The following GXYLT1 variants were observed in gnomAD, a reference collection of about 807,000 sequenced individuals.
The protein encoded by GXYLT1 is glycosyltransferase 8 domain containing 3.
In GXYLT1, 29 loss-of-function variants were observed where a neutral mutation model predicts 54.0. The ratio of observed to expected loss-of-function variants is 0.54; its 90% CI spans 0.40 to 0.73. The LOEUF (loss-of-function observed/expected upper bound fraction) is 0.73. Among genes scored for constraint, GXYLT1 ranks in the 30% least tolerant of loss-of-function variants. GXYLT1 has a pLI of 0.00. For synonymous variants in GXYLT1, 176 were observed against 204.1 expected (o/e 0.86, Z 1.17); for missense variants, 490 against 553.4 (o/e 0.89, Z 1.15).
In GXYLT1 at chr12:42,129,850, A is replaced by G. The variant is rs752516621; in HGVS notation, c.223T>C (p.Cys75Arg). 1 of 1,602,144 alleles carries G rather than the reference A, an allele frequency of 6.2e-7. No homozygotes were observed. The highest frequency in any genetic ancestry group is 1.1e-5 in the South Asian group (1 of 90,846). ...PAAHPGVSDR[C>R]KDFSLCYWNP... is the part of the protein sequence containing the mutation. ...CAGTAACACAGAGAGAAATCTTTAC[A>G]CCTAACAGAGTAAGACAGAAATAAG... Residue 75 changes from cysteine (C) to arginine (R), a missense_variant and splice_region_variant, in exon 2 of 8, where the codon TGT becomes CGT. By Grantham distance (180) the Cys-to-Arg change is radical (BLOSUM62 -3). Transcript: ENST00000398675.
intron 7 of GXYLT1, among the ~76,000 whole-genome samples, chr12:42,090,505 ATCGTTCCC>A (rs1382755711): frequency 6.6e-6 from 1 of 152,210 alleles, no homozygotes; most frequent in African/African-American, 2.4e-5. Flanking sequence ...TGTACAGTTA[ATCGTTCCC>A]TCTTTTCAGT....
intron 7 of GXYLT1, among the ~76,000 whole-genome samples, chr12:42,089,539 T>C (rs2065317255): frequency 6.6e-6 from 1 of 152,136 alleles, no homozygotes; most frequent in East Asian, 1.9e-4. Flanking sequence ...ATTTATAATA[T>C]AGGTAATATT....
rs932919463 is a variant in GXYLT1 at position 42,082,549 on chromosome 12, G to C, written c.*5237C>G. ...GCTGGAGTGCAATGGTGCAATCTTGGCTCTCTGCAGCCTCAAACTCTTGCA... is the reference window on the plus strand; with the variant it reads ...GCTGGAGTGCAATGGTGCAATCTTGCCTCTCTGCAGCCTCAAACTCTTGCA... On this transcript the variant is annotated 3_prime_UTR_variant, in exon 8 of 8. Transcript: ENST00000398675. 1.3e-5 allele frequency: 2 copies of C among 152,126 alleles called. No homozygotes were observed. The highest frequency in any genetic ancestry group is 4.8e-5 in the African/African-American group (2 of 41,394). 9.4% of individuals were successfully genotyped at this position (152,126 alleles called of 1,614,324 possible).
intron 7 of GXYLT1, among the ~76,000 whole-genome samples, chr12:42,094,095 T>C (rs2065342890): frequency 6.6e-6 from 1 of 151,302 alleles, no homozygotes; most frequent in Admixed American, 6.6e-5. Context: ...GTGTGGTGGG[T>C]TATCCTGGTA....
At chr12:42,110,126 A>T (rs533055879) in intron 3 of GXYLT1, among the ~76,000 whole-genome samples, 1 of 152,360 alleles carries the variant, frequency 6.6e-6, no homozygotes, top group South Asian at 2.1e-4. Context: ...TAGTTAAAAA[A>T]TATTTGTCCA....
At chr12:42,106,686 TA>T (rs1341616709) in intron 4 of GXYLT1, among the ~76,000 whole-genome samples, 1 of 151,714 alleles carries the variant, frequency 6.6e-6, no homozygotes, top group Non-Finnish European at 1.5e-5. Context: ...TTCTAAGAGA[TA>T]AATCTTCAAC....
intron 1 of GXYLT1, among the ~76,000 whole-genome samples, chr12:42,133,378 A>G (rs1231597714): frequency 6.6e-6 from 1 of 152,162 alleles, no homozygotes; most frequent in Non-Finnish European, 1.5e-5. Context: ...ACTGAATATA[A>G]TACTGTACCA....
At chr12:42,111,050 A>G (rs1329804605) in intron 3 of GXYLT1, among the ~76,000 whole-genome samples, 1 of 152,252 alleles carries the variant, frequency 6.6e-6, no homozygotes, top group Non-Finnish European at 1.5e-5. Context: ...CTTTTCTATT[A>G]TATTTTCAAA....
chr12:42,143,348 CT>C (rs1184996463), intron 1 of GXYLT1, among the ~76,000 whole-genome samples: 1 of 152,174 alleles, frequency 6.6e-6, no homozygotes, highest in Non-Finnish European at 1.5e-5. Context: ...ACTGAGGGTC[CT>C]GATGTAGGAA....
chr12:42,102,191 A>G lies in GXYLT1; in HGVS notation c.864+3627T>C, dbSNP rs535777980. 3.3e-5 allele frequency among the ~76,000 whole-genome samples: 5 copies of G among 152,324 alleles called. No homozygotes were observed. The East Asian group carries it at 5.8e-4, about 18-fold the overall frequency. ...CTGTCATTATCAGCCTGTCCTATAC[A>G]TACATATAAAATTAAAGCGCATTCA... On this transcript the variant is annotated intron_variant, in intron 5 of 7. Coordinates refer to ENST00000398675, the MANE Select transcript of GXYLT1 (RefSeq NM_173601.2).
chr12:42,092,316 T>C (rs1461041427), intron 7 of GXYLT1, among the ~76,000 whole-genome samples: 1 of 152,228 alleles, frequency 6.6e-6, no homozygotes, highest in Non-Finnish European at 1.5e-5. Flanking sequence ...AACAGTGTAG[T>C]AGAACAGACA....
rs1036544706 is a variant in GXYLT1 at position 42,084,631 on chromosome 12, A to C, written c.*3155T>G. The C allele has an allele frequency of 6.6e-5, 10 of 152,312 alleles. No individual in the cohort carries two copies. The highest frequency in any genetic ancestry group is 2.4e-4 in the African/African-American group (10 of 41,488). The allele number at this position is 152,312 out of a possible 1,614,324, so 9.4% of individuals were successfully genotyped here. On this transcript the variant is annotated 3_prime_UTR_variant, in exon 8 of 8. Transcript: ENST00000398675. Reference sequence around the variant, plus strand: ...GAAGGGTAAATAACATGCCTGAGTTACTAAAAAGAGAATCCAGATCTAGTT... The same window carrying C: ...GAAGGGTAAATAACATGCCTGAGTTCCTAAAAAGAGAATCCAGATCTAGTT...
chr12:42,092,066 C>T (rs2065332096), intron 7 of GXYLT1, among the ~76,000 whole-genome samples: 1 of 152,118 alleles, frequency 6.6e-6, no homozygotes, highest in African/African-American at 2.4e-5. Context: ...ATTCCCTGGC[C>T]CTTCAAGGCA....
intron 2 of GXYLT1, among the ~76,000 whole-genome samples, chr12:42,120,871 G>T (rs918934147): frequency 1.3e-5 from 2 of 151,280 alleles, no homozygotes; most frequent in Admixed American, 6.6e-5. Flanking sequence ...ATTATTTTCT[G>T]TTGGCTGTAA....
intron 1 of GXYLT1, among the ~76,000 whole-genome samples, chr12:42,132,248 A>G (rs911013820): frequency 6.6e-6 from 1 of 152,164 alleles, no homozygotes; most frequent in Admixed American, 6.5e-5. Context: ...GAAGTGGCCT[A>G]AAAAGCTGAA....
chr12:42,135,862 A>G (rs974086245), intron 1 of GXYLT1, among the ~76,000 whole-genome samples: 4 of 152,312 alleles, frequency 2.6e-5, no homozygotes, highest in African/African-American at 4.8e-5. Flanking sequence ...GATTTACTTC[A>G]CAAAGGTTTA....
chr12:42,087,675 A>T lies in GXYLT1; in HGVS notation c.*111T>A. 1 of 753,432 alleles carries T rather than the reference A, an allele frequency of 1.3e-6. No homozygotes were observed. 46.7% of individuals were successfully genotyped at this position (753,432 alleles called of 1,614,324 possible). A position where few individuals can be genotyped will look rare whatever the true frequency, so the allele number is the denominator to read the frequency against. On this transcript the variant is annotated 3_prime_UTR_variant, in exon 8 of 8. Transcript: ENST00000398675. Reference sequence around the variant, plus strand: ...ACTTAACTTCTTTAGGAAAAAAAAAATTATTCTGGAGATGAGTAATTCCTT... The same window carrying T: ...ACTTAACTTCTTTAGGAAAAAAAAATTTATTCTGGAGATGAGTAATTCCTT...
rs531312408 is a variant in GXYLT1 at position 42,123,345 on chromosome 12, T to C, written c.315-4174A>G. On this transcript the variant is annotated intron_variant, in intron 2 of 7. Transcript: ENST00000398675. ...CTATGTATTTAGGGGTGTGTCCTAA[T>C]GCCTGCTGTCTCTCAAATGGTTTGG... is the stretch of plus-strand genomic sequence containing the variant. Among the ~76,000 whole-genome samples the C allele has an allele frequency of 6.6e-5, 10 of 152,314 alleles. No individual in the cohort carries two copies. In the East Asian group the frequency reaches 1.3e-3, roughly 21 times the overall value.
In GXYLT1 at chr12:42,144,417, T is replaced by C. The variant is rs922928996; in HGVS notation, c.221+9A>G. On this transcript the variant is annotated intron_variant, in intron 1 of 7. Coordinates refer to ENST00000398675, the MANE Select transcript of GXYLT1 (RefSeq NM_173601.2). The stretch of plus-strand genomic sequence containing the variant: ...CCGCCGCGTCCCCCACACCGGGAAC[T>C]GCCCGTACCTGTCCGACACGCCGGG... The C allele has an allele frequency of 3.1e-5, 41 of 1,307,470 alleles. No individual in the cohort carries two copies. In the East Asian group the frequency reaches 1.5e-3, roughly 46 times the overall value. The allele number at this position is 1,307,470 out of a possible 1,614,324, so 81.0% of individuals were successfully genotyped here.
Sources: allele counts gnomAD v4.1 joint callset (sites outside exome capture counted in the v4.1 genomes callset), GRCh38; gene constraint gnomAD v4.1.1; transcripts MANE v1.5; gene names NCBI Gene and HGNC (gene_info 2026-07-23, HGNC 2026-07-21).